The following VIPR2 variants were observed in gnomAD, a reference collection of about 807,000 sequenced individuals.
VIPR2 encodes the protein vasoactive intestinal polypeptide receptor 2.
VIPR2 carries 48 observed loss-of-function variants against 58.0 expected under a neutral mutation model. That is an observed-to-expected ratio of 0.83 (90% CI 0.66 to 1.05). The LOEUF (loss-of-function observed/expected upper bound fraction) is 1.05, where lower values mean the gene tolerates loss of function less well. Among genes scored for constraint, VIPR2 ranks in the 50% least tolerant of loss-of-function variants. VIPR2 has a pLI of 0.00. For synonymous variants in VIPR2, 243 were observed against 235.2 expected (o/e 1.03, Z -0.30); for missense variants, 534 against 558.0 (o/e 0.96, Z 0.43).
chr7:159,072,706 G>A (rs1856469319), intron 4 of VIPR2, among the ~76,000 whole-genome samples: 1 of 152,128 alleles, frequency 6.6e-6, no homozygotes, highest in African/African-American at 2.4e-5. Flanking sequence ...GGAATACTCA[G>A]GAAATATTTA....
intron 4 of VIPR2, among the ~76,000 whole-genome samples, chr7:159,062,869 T>C (rs1265934993): frequency 1.3e-5 from 2 of 151,938 alleles, no homozygotes; most frequent in African/African-American, 4.8e-5. Flanking sequence ...GATTGGTCCG[T>C]TTTGACAGGG....
intron 4 of VIPR2, among the ~76,000 whole-genome samples, chr7:159,070,620 C>T (rs1027913465): frequency 1.3e-5 from 2 of 152,140 alleles, no homozygotes; most frequent in African/African-American, 4.8e-5. Flanking sequence ...ACAAGTCACT[C>T]GGCCTGTACT....
chr7:159,106,983 CA>C (rs1053034902), intron 3 of VIPR2, among the ~76,000 whole-genome samples: 26 of 117,936 alleles, frequency 2.2e-4, no homozygotes, highest in Non-Finnish European at 4.5e-4. Context: ...AGAGGCCATC[CA>C]GGGGCAGAGA....
intron 6 of VIPR2, among the ~76,000 whole-genome samples, chr7:159,037,345 G>A (rs894806124): frequency 6.6e-6 from 1 of 152,136 alleles, no homozygotes; most frequent in Admixed American, 6.5e-5. Flanking sequence ...TGTGTGGGGC[G>A]AGGTATGGGT....
intron 2 of VIPR2, among the ~76,000 whole-genome samples, chr7:159,120,072 G>GC (rs1585538337): frequency 6.6e-6 from 1 of 152,134 alleles, no homozygotes; most frequent in East Asian, 1.9e-4. Context: ...TCCCAACGTG[G>GC]GCCCCTCACC....
At chr7:159,071,426 A>T (rs948631787) in intron 4 of VIPR2, among the ~76,000 whole-genome samples, 1 of 152,098 alleles carries the variant, frequency 6.6e-6, no homozygotes, top group Non-Finnish European at 1.5e-5. Flanking sequence ...GGGCCTTCAG[A>T]GAGAATCTTG....
intron 5 of VIPR2, among the ~76,000 whole-genome samples, chr7:159,048,752 C>T (rs895811406): frequency 6.6e-6 from 1 of 152,186 alleles, no homozygotes; most frequent in African/African-American, 2.4e-5. Flanking sequence ...CTGTTGGACA[C>T]TGCTGATCTC....
chr7:159,032,159 G>T, intron 10 of VIPR2, 92 bp from the exon 11 acceptor site: 1 of 1,544,218 alleles, frequency 6.5e-7, no homozygotes, highest in Non-Finnish European at 8.8e-7. Flanking sequence ...GCAGCTGGGT[G>T]TGGGAGGGGC....
rs762835061 is a variant in VIPR2, at chr7:159,031,831, A to G, written c.1140T>C (p.Ser380=). ...TCCAAGGCGGCCATGAACTTACCTC[A>G]CTGTTCAGGAAACAGTAGAGGACGG... ...VVAVLYCFLN[S]EVQCELKRKW... The change falls in exon 12 of 13, where the codon AGT becomes AGC. Residue 380 remains serine (S), a synonymous_variant. Transcript: ENST00000262178. This position sits in a 1 kb window ranked among gnomAD's most constrained non-coding sequence, Gnocchi z 4.0. 1 of 1,613,912 alleles carries G rather than the reference A, an allele frequency of 6.2e-7. No homozygotes were observed. Among genetic ancestry groups the G allele is most frequent in the Non-Finnish European group, 8.5e-7 (1 of 1,180,006 alleles).
chr7:159,033,779 T>C (rs1853735012), intron 10 of VIPR2, among the ~76,000 whole-genome samples: 1 of 152,072 alleles, frequency 6.6e-6, no homozygotes, highest in Non-Finnish European at 1.5e-5. Flanking sequence ...AAATAAAAAA[T>C]ACTGTGTGGT....
intron 10 of VIPR2, 102 bp downstream of exon 10, chr7:159,034,111 G>A: frequency 8.8e-7 from 1 of 1,130,764 alleles, no homozygotes; most frequent in South Asian, 1.4e-5. Context: ...CAGTGGCGGA[G>A]GCGGAGTCGC....
At chr7:159,032,144 AG>A in intron 10 of VIPR2, 77 bp from the exon 11 acceptor site, 1 of 1,580,582 alleles carries the variant, frequency 6.3e-7, no homozygotes, top group African/African-American at 1.3e-5. Flanking sequence ...CCTTCTCAGG[AG>A]GGGGCAGCTG....
At chr7:159,114,036 C>T (rs563942111) in intron 2 of VIPR2, among the ~76,000 whole-genome samples, 2 of 152,260 alleles carry the variant, frequency 1.3e-5, no homozygotes, top group East Asian at 3.9e-4. Context: ...TATAAATGCA[C>T]TCTGTTGAAA....
At position 159,144,321 on chromosome 7, in the gene VIPR2, G is replaced by C. The variant is rs762861531; in HGVS notation, c.51+400C>G. ...ACCAGTAAGTACAGGGAGGGACCGA[G>C]AGGCATCTGCGGCCAACGCCAACCC... On this transcript the variant is annotated intron_variant, in intron 1 of 12. Transcript: ENST00000262178. 5.3e-6 allele frequency: 8 copies of C among 1,521,530 alleles called. No homozygotes were observed. In the African/African-American group the frequency reaches 8.4e-5, roughly 16 times the overall value. 94.3% of individuals were successfully genotyped at this position (1,521,530 alleles called of 1,614,324 possible).
intron 4 of VIPR2, among the ~76,000 whole-genome samples, chr7:159,074,269 G>A (rs1015316573): frequency 1.3e-5 from 2 of 152,154 alleles, no homozygotes; most frequent in African/African-American, 4.8e-5. Flanking sequence ...CCTAAAGTGA[G>A]GAAACTGAAG....
At chr7:159,139,413 T>C in intron 2 of VIPR2, among the ~76,000 whole-genome samples, 1 of 152,160 alleles carries the variant, frequency 6.6e-6, no homozygotes, top group East Asian at 1.9e-4. Context: ...TCATGATGCC[T>C]GCTGTGCTGT....
rs547983220 is a variant in VIPR2 at position 159,060,354 on chromosome 7, T to C, written c.358-1776A>G. Among the ~76,000 whole-genome samples the C allele has an allele frequency of 3.8e-3, 560 of 148,860 alleles. 3 individuals carry two copies. The highest frequency in any genetic ancestry group is 0.013 in the African/African-American group (523 of 40,106). ...CCCTCACCTCATCCAACCACCATTC[T>C]CAATTCATCTAACCATCTCCTTCAC... On this transcript the variant is annotated intron_variant, in intron 4 of 12. Transcript: ENST00000262178.
intron 4 of VIPR2, among the ~76,000 whole-genome samples, chr7:159,069,269 C>T (rs1330835362): frequency 6.6e-6 from 1 of 152,192 alleles, no homozygotes; most frequent in African/African-American, 2.4e-5. Context: ...TTCCCCTGAA[C>T]TACCTTCTCC....
Position 159,121,813 on chromosome 7 carries a change from G to A in VIPR2, c.152-11894C>T, listed in dbSNP as rs1796465786. Among the ~76,000 whole-genome samples, 3 of 152,260 alleles carry A rather than the reference G, an allele frequency of 2.0e-5. No individual in the cohort carries two copies. In the South Asian group the frequency reaches 6.2e-4, roughly 32 times the overall value. On this transcript the variant is annotated intron_variant, in intron 2 of 12. Transcript: ENST00000262178. ...TATTTAATAGAGGCCGAAAATGCTT[G>A]GACTTTTATCCTGTCCTTTTAAAAG...
Sources: gnomAD v4.1 joint callset for allele counts (sites outside exome capture counted in the v4.1 genomes callset) on GRCh38, gnomAD v4.1.1 for gene constraint, Gnocchi (gnomAD v3.1) non-coding constraint, MANE v1.5 for transcripts, NCBI Gene and HGNC (gene_info 2026-07-23, HGNC 2026-07-21) for gene names.